RPS19: variants seen among roughly 807,000 people sequenced by gnomAD.
RPS19 encodes small ribosomal subunit protein eS19.
RPS19 carries 1 observed loss-of-function variant against 20.3 expected under a neutral mutation model. The ratio of observed to expected loss-of-function variants is 0.05; its 90% CI spans 0.02 to 0.23. The LOEUF (loss-of-function observed/expected upper bound fraction) is 0.23. RPS19 is among the 10% of genes least tolerant of loss of function. RPS19 has a pLI of 1.00. For synonymous variants in RPS19, 87 were observed against 74.8 expected, an observed-to-expected ratio of 1.16 and a Z score of -0.84; for missense variants, 111 against 192.7, an observed-to-expected ratio of 0.58 and a Z score of 2.51.
chr19:41,863,978 G>C (rs1555839922), intron 3 of RPS19: 1 of 151,888 alleles, frequency 6.6e-6, no homozygotes, highest in African/African-American at 2.4e-5. Context: ...AAGTACCTGG[G>C]ACTACAGGTG....
intron 5 of RPS19, 89 bp downstream of exon 5, chr19:41,869,842 C>T: frequency 2.8e-6 from 4 of 1,411,614 alleles, no homozygotes; most frequent in Non-Finnish European, 4.0e-6. Flanking sequence ...GACTTATTTC[C>T]TTCTCTGGAG....
rs1315912589 is a variant in RPS19 at position 41,860,493 on chromosome 19, G to A, written c.-1+204G>A. 1.2e-5 allele frequency: 6 copies of A among 486,152 alleles called. No homozygotes were observed. In the East Asian group the frequency reaches 1.9e-4, roughly 16 times the overall value. The allele number at this position is 486,152 out of a possible 1,614,324, so 30.1% of individuals were successfully genotyped here. A position where few individuals can be genotyped will look rare whatever the true frequency, so the allele number is the denominator to read the frequency against. ...GCGTGGGCCCCGGGGGGCAGCGGCG[G>A]GGTGCGTGGGGCGTCCGGAGTCCCG... On this transcript the variant is annotated intron_variant, in intron 1 of 5. Coordinates refer to ENST00000598742, the MANE Select transcript of RPS19 (RefSeq NM_001022.4).
Position 41,869,703 on chromosome 19 carries a change from C to T in RPS19, c.361C>T (p.Arg121Cys), listed in dbSNP as rs1555841561. 8 of 1,614,060 alleles carry T rather than the reference C, an allele frequency of 5.0e-6. No individual in the cohort carries two copies. Among genetic ancestry groups the T allele is most frequent in the Non-Finnish European group, 4.2e-6 (5 of 1,180,002 alleles). The change falls in exon 5 of 6, where the codon CGC (arginine) becomes TGC (cysteine). Residue 121 changes from arginine (R) to cysteine (C), a missense_variant. By Grantham distance (180) the Arg-to-Cys change is radical. Coordinates refer to ENST00000598742, the MANE Select transcript of RPS19 (RefSeq NM_001022.4). Reference sequence around the variant, plus strand: ...ATGACCCTTCCCTCCCCACAGCGGCCGCAAACTGACACCTCAGGGACAAAG... The same window carrying T: ...ATGACCCTTCCCTCCCCACAGCGGCTGCAAACTGACACCTCAGGGACAAAG... ...KMVEKDQDGG[R>C]KLTPQGQRDL... is the part of the protein sequence containing the mutation.
In RPS19 at chr19:41,860,784, G is replaced by T. The variant is rs782693679; in HGVS notation, c.10G>T (p.Val4Phe). The T allele has an allele frequency of 8.1e-6, 13 of 1,613,708 alleles. No individual in the cohort carries two copies. Among genetic ancestry groups the T allele is most frequent in the Non-Finnish European group, 1.1e-5 (13 of 1,179,680 alleles). ...TGACTTTCTCCCTCAGATGCCTGGA[G>T]TTACTGTAAAAGACGTGAACCAGCA... is the stretch of plus-strand genomic sequence containing the variant. MPG[V>F]TVKDVNQQEF... Residue 4 changes from valine (V) to phenylalanine (F), a missense_variant, in exon 2 of 6, where the codon GTT (valine) becomes TTT (phenylalanine). By Grantham distance (50) the Val-to-Phe change is conservative. Coordinates refer to ENST00000598742, the MANE Select transcript of RPS19 (RefSeq NM_001022.4).
chr19:41,865,773 C>T (rs1555840305), intron 3 of RPS19, among the ~76,000 whole-genome samples: 1 of 149,546 alleles, frequency 6.7e-6, no homozygotes, highest in African/African-American at 2.5e-5. Context: ...ATGGTGAAAC[C>T]CCATGTCTAC....
intron 3 of RPS19, among the ~76,000 whole-genome samples, chr19:41,863,055 G>A (rs936652765): frequency 5.9e-5 from 9 of 152,156 alleles, no homozygotes; most frequent in Non-Finnish European, 1.2e-4. Context: ...ACAGGGTCTA[G>A]GCCTGTCACC....
rs782708988 is a variant in RPS19, at chr19:41,861,130, C to T, written c.90C>T (p.Val30=). 1.2e-6 allele frequency: 2 copies of T among 1,614,004 alleles called. No homozygotes were observed. The highest frequency in any genetic ancestry group is 2.2e-5 in the South Asian group (2 of 91,072). ...GTCTTAGGTCCGGGAAGCTGAAAGTCCCCGAATGGGTGGATACCGTCAAGC... is the reference window on the plus strand; with the variant it reads ...GTCTTAGGTCCGGGAAGCTGAAAGTTCCCGAATGGGTGGATACCGTCAAGC... The part of the protein sequence containing the change: ...AFLKKSGKLK[V]PEWVDTVKLA... Residue 30 remains valine (V), a synonymous_variant, in exon 3 of 6, where the codon GTC becomes GTT. Coordinates refer to ENST00000598742, the MANE Select transcript of RPS19 (RefSeq NM_001022.4).
chr19:41,860,613 C>T (rs543189328), intron 1 of RPS19, 162 bp from the exon 2 acceptor site: 2 of 746,178 alleles, frequency 2.7e-6, no homozygotes, highest in Non-Finnish European at 4.9e-6. Flanking sequence ...TGAGCTCCTT[C>T]AGACCCGCAG....
At chr19:41,861,396 C>G (rs2074030705) in intron 3 of RPS19, 184 bp downstream of exon 3, 3 of 622,790 alleles carry the variant, frequency 4.8e-6, no homozygotes, top group Non-Finnish European at 8.7e-6. Flanking sequence ...TTATGACATT[C>G]TAAGAGCTTT....
intron 1 of RPS19, 45 bp from the exon 2 acceptor site, chr19:41,860,730 C>CT (rs2074019271): frequency 4.2e-6 from 6 of 1,414,962 alleles, no homozygotes; most frequent in Non-Finnish European, 5.0e-6. Context: ...TCTTGGCAGT[C>CT]GTCTCTGCCA....
chr19:41,862,564 C>CGG (rs2074043170), intron 3 of RPS19, among the ~76,000 whole-genome samples: 1 of 151,936 alleles, frequency 6.6e-6, no homozygotes, highest in African/African-American at 2.4e-5. Flanking sequence ...TAGCCTTTCT[C>CGG]ATTTGCTGGG....
rs2074117857 is a variant in RPS19 at position 41,869,076 on chromosome 19, G to T, written c.218G>T (p.Gly73Val). ...HLYLRGGAGV[G>V]SMTKIYGGRQ... ...TACCTCCGGGGTGGCGCTGGGGTTGGCTCCATGACCAAGATCTATGGGGGA... is the reference window on the plus strand; with the variant it reads ...TACCTCCGGGGTGGCGCTGGGGTTGTCTCCATGACCAAGATCTATGGGGGA... Residue 73 changes from glycine to valine, a missense_variant, in exon 4 of 6, where the codon GGC becomes GTC. By Grantham distance (109) the Gly-to-Val change is moderately radical. Transcript: ENST00000598742. 4 of 1,613,762 alleles carry T rather than the reference G, an allele frequency of 2.5e-6. No homozygotes were observed. In the South Asian group the frequency reaches 4.4e-5, roughly 18 times the overall value.
intron 3 of RPS19, among the ~76,000 whole-genome samples, chr19:41,865,805 C>T (rs1021686605): frequency 2.0e-5 from 3 of 148,484 alleles, no homozygotes; most frequent in Non-Finnish European, 4.5e-5. Context: ...AAAAATTAGC[C>T]GGGCGTGGTG....
chr19:41,869,919 G>A (rs930651283), intron 5 of RPS19, among the ~76,000 whole-genome samples, 166 bp downstream of exon 5: 5 of 152,180 alleles, frequency 3.3e-5, no homozygotes, highest in African/African-American at 1.2e-4. Context: ...GGACAGTCCT[G>A]TCTGACTTTT....
chr19:41,861,173 C>T lies in RPS19; in HGVS notation c.133C>T (p.Leu45Phe), dbSNP rs921288310. Reference sequence around the variant, plus strand: ...CGTCAAGCTGGCCAAGCACAAAGAGCTTGCTCCCTACGATGAGAACTGGTT... The same window carrying T: ...CGTCAAGCTGGCCAAGCACAAAGAGTTTGCTCCCTACGATGAGAACTGGTT... Reference protein sequence around the residue: ...DTVKLAKHKELAPYDENWFYT... With the variant: ...DTVKLAKHKEFAPYDENWFYT... The change falls in exon 3 of 6, where the codon CTT (leucine) becomes TTT (phenylalanine). Residue 45 changes from leucine (L) to phenylalanine (F), a missense_variant. Coordinates refer to ENST00000598742, the MANE Select transcript of RPS19 (RefSeq NM_001022.4). The T allele has an allele frequency of 1.2e-6, 2 of 1,613,974 alleles. No homozygotes were observed. Among genetic ancestry groups the T allele is most frequent in the Non-Finnish European group, 1.7e-6 (2 of 1,180,002 alleles).
chr19:41,861,086 T>A, intron 2 of RPS19, 26 bp from the exon 3 acceptor site: 14 of 1,577,214 alleles, frequency 8.9e-6, no homozygotes, highest in Non-Finnish European at 1.2e-5. Flanking sequence ...GACTGAATCG[T>A]GCTTTTCCCA....
rs1318520916 is a variant in RPS19, at chr19:41,861,133, C to G, written c.93C>G (p.Pro31=). 1.2e-6 allele frequency: 2 copies of G among 1,613,904 alleles called. No individual in the cohort carries two copies. Among genetic ancestry groups the G allele is most frequent in the African/African-American group, 1.3e-5 (1 of 74,924 alleles). Residue 31 remains proline (P), a synonymous_variant, in exon 3 of 6, where the codon CCC becomes CCG. Transcript: ENST00000598742. ...FLKKSGKLKV[P]EWVDTVKLAK... is the part of the protein sequence containing the mutation. The stretch of plus-strand genomic sequence containing the variant: ...TTAGGTCCGGGAAGCTGAAAGTCCC[C>G]GAATGGGTGGATACCGTCAAGCTGG...
At chr19:41,867,824 A>T (rs1171391527) in intron 3 of RPS19, among the ~76,000 whole-genome samples, 1 of 152,228 alleles carries the variant, frequency 6.6e-6, no homozygotes, top group South Asian at 2.1e-4. Context: ...AGAAAAAAGA[A>T]AAAGCACTAA....
chr19:41,869,628 A>G, intron 4 of RPS19, 71 bp from the exon 5 acceptor site: 2 of 1,549,936 alleles, frequency 1.3e-6, no homozygotes, highest in Non-Finnish European at 1.8e-6. Context: ...CCTGGCTCAC[A>G]GCCAGGAGGG....
Sources: allele counts gnomAD v4.1 joint callset (sites outside exome capture counted in the v4.1 genomes callset), GRCh38; gene constraint gnomAD v4.1.1; transcripts MANE v1.5; gene names NCBI Gene and HGNC (gene_info 2026-07-23, HGNC 2026-07-21).